PTER: variants seen among roughly 807,000 people sequenced by gnomAD.
PTER encodes phosphotriesterase related.
PTER carries 38 observed loss-of-function variants against 29.6 expected under a neutral mutation model. The observed-to-expected ratio is 1.28, with a 90% confidence interval of 0.99 to 1.68. The LOEUF (loss-of-function observed/expected upper bound fraction) is 1.68, where lower values mean the gene tolerates loss of function less well. Ranked by LOEUF, PTER falls within the 40% of genes most tolerant of loss-of-function variation. PTER has a pLI of 0.00. For missense variants in PTER, 482 were observed against 427.8 expected (o/e 1.13, Z -1.12); for synonymous variants, 172 against 154.5 (o/e 1.11, Z -0.84).
At chr10:16,447,105 T>TC (rs200498199) in intron 1 of PTER, among the ~76,000 whole-genome samples, 11,015 of 147,862 alleles carry the variant, frequency 0.074, 564 homozygotes, top group East Asian at 0.22. Flanking sequence ...TCTTTTCTTT[T>TC]TTTTTTTTTT....
At chr10:16,503,919 G>T (rs908060824) in intron 3 of PTER, among the ~76,000 whole-genome samples, 1 of 152,174 alleles carries the variant, frequency 6.6e-6, no homozygotes, top group Non-Finnish European at 1.5e-5. Context: ...GACAATGACT[G>T]TCTAATGTTC....
intron 1 of PTER, among the ~76,000 whole-genome samples, chr10:16,479,946 A>G (rs1835415857): frequency 6.6e-6 from 1 of 150,472 alleles, no homozygotes; most frequent in East Asian, 2.0e-4. Context: ...CCACCAAACT[A>G]TTAGGTTGGT....
intron 1 of PTER, among the ~76,000 whole-genome samples, chr10:16,445,366 C>A (rs530471483): frequency 6.6e-6 from 1 of 152,138 alleles, no homozygotes; most frequent in Non-Finnish European, 1.5e-5. Flanking sequence ...GAGCCTAGAT[C>A]GTGCCACTGC....
intron 1 of PTER, among the ~76,000 whole-genome samples, chr10:16,457,388 AT>A (rs1430955903): frequency 1.3e-5 from 2 of 151,472 alleles, no homozygotes; most frequent in African/African-American, 4.8e-5. Context: ...AATTTTTTGT[AT>A]TTTTTAGTAG....
At chr10:16,489,790 G>A (rs145154379) in intron 3 of PTER, among the ~76,000 whole-genome samples, 1 of 152,124 alleles carries the variant, frequency 6.6e-6, no homozygotes, top group Admixed American at 6.6e-5. Context: ...GGTACCTCAT[G>A]TAGATGGAAT....
chr10:16,446,989 A>C (rs1564384134), intron 1 of PTER, among the ~76,000 whole-genome samples: 1 of 151,938 alleles, frequency 6.6e-6, no homozygotes, highest in Non-Finnish European at 1.5e-5. Context: ...GGGTTTTGCC[A>C]TGTTAGCCAG....
intron 1 of PTER, among the ~76,000 whole-genome samples, chr10:16,479,735 A>G (rs1835406986): frequency 6.6e-6 from 1 of 151,700 alleles, no homozygotes; most frequent in African/African-American, 2.4e-5. Flanking sequence ...GTTTCTTGCC[A>G]TCTACACTGG....
At chr10:16,497,657 A>G (rs1836164756) in intron 3 of PTER, among the ~76,000 whole-genome samples, 1 of 152,236 alleles carries the variant, frequency 6.6e-6, no homozygotes, top group Admixed American at 6.5e-5. Context: ...CCCACGGATC[A>G]AATTCTTTCC....
chr10:16,443,221 T>C (rs972174998), intron 1 of PTER, among the ~76,000 whole-genome samples: 1 of 152,228 alleles, frequency 6.6e-6, no homozygotes, highest in Non-Finnish European at 1.5e-5. Flanking sequence ...CTTTGGCTTG[T>C]GGATGGCCGT....
rs530843944 is a variant in PTER, at chr10:16,438,440, G to T, written c.-49+1393G>T. On this transcript the variant is annotated intron_variant, in intron 1 of 4. Coordinates refer to ENST00000535784, the MANE Select transcript of PTER (RefSeq NM_001261836.2). ...GTCTCCCACAGGTGCACACCACCAC[G>T]CCCGGCTAGTTTTTATTTTCTGTTT... Among the ~76,000 whole-genome samples the T allele has an allele frequency of 6.7e-5, 10 of 149,372 alleles. No individual in the cohort carries two copies. In the East Asian group the frequency reaches 2.0e-3, roughly 30 times the overall value.
chr10:16,485,484 G>C (rs543303992), intron 2 of PTER, among the ~76,000 whole-genome samples: 1 of 152,256 alleles, frequency 6.6e-6, no homozygotes, highest in Non-Finnish European at 1.5e-5. Context: ...ACACATATAT[G>C]TATATATTCG....
At chr10:16,508,869 T>C (rs1267930427) in intron 4 of PTER, among the ~76,000 whole-genome samples, 2 of 152,196 alleles carry the variant, frequency 1.3e-5, no homozygotes, top group Non-Finnish European at 2.9e-5. Flanking sequence ...ATTTTCATCA[T>C]GCATGAAAGG....
At chr10:16,494,308 C>A (rs1238139781) in intron 3 of PTER, among the ~76,000 whole-genome samples, 1 of 152,154 alleles carries the variant, frequency 6.6e-6, no homozygotes, top group Non-Finnish European at 1.5e-5. Context: ...TTCTCTCTTG[C>A]AGCCATCTGT....
intron 1 of PTER, among the ~76,000 whole-genome samples, chr10:16,483,574 G>A (rs1187008185): frequency 6.6e-6 from 1 of 152,142 alleles, no homozygotes; most frequent in East Asian, 1.9e-4. Context: ...GTGGCCACGA[G>A]TGATGGTTCA....
At chr10:16,479,443 G>A (rs1176769289) in intron 1 of PTER, among the ~76,000 whole-genome samples, 2 of 151,542 alleles carry the variant, frequency 1.3e-5, no homozygotes, top group African/African-American at 4.9e-5. Context: ...ATATATTGCA[G>A]GTCTGAACCT....
At chr10:16,513,919 T>A (rs1836906884), downstream of PTER, 1 of 168,904 alleles carries the variant, frequency 5.9e-6, no homozygotes, top group African/African-American at 2.4e-5. Flanking sequence ...AAAGAAAATG[T>A]GAAAAAGATC....
intron 1 of PTER, among the ~76,000 whole-genome samples, chr10:16,463,198 TAA>T (rs535136619): frequency 1.9e-4 from 15 of 79,382 alleles, no homozygotes; most frequent in Admixed American, 1.6e-4. Context: ...AGACTCTGTC[TAA>T]AAAAAAAAAA....
At chr10:16,475,280 A>G (rs1835218087) in intron 1 of PTER, among the ~76,000 whole-genome samples, 1 of 152,136 alleles carries the variant, frequency 6.6e-6, no homozygotes, top group African/African-American at 2.4e-5. Context: ...TGCCAGTTGC[A>G]TTTAGCTGGG....
intron 1 of PTER, among the ~76,000 whole-genome samples, chr10:16,449,428 CTTTT>C (rs35475659): frequency 3.9e-5 from 4 of 101,860 alleles, no homozygotes; most frequent in Admixed American, 1.3e-4. Context: ...CAATAATTTT[CTTTT>C]TTTTTTTTTT....
Sources: allele counts gnomAD v4.1 joint callset (sites outside exome capture counted in the v4.1 genomes callset), GRCh38; gene constraint gnomAD v4.1.1; transcripts MANE v1.5; gene names NCBI Gene and HGNC (gene_info 2026-07-23, HGNC 2026-07-21).